The following SMARCC1 variants were observed in gnomAD, a reference collection of about 807,000 sequenced individuals.
The protein encoded by SMARCC1 is SWI/SNF related BAF chromatin remodeling complex subunit C1.
SMARCC1 carries 43 observed loss-of-function variants against 147.4 expected under a neutral mutation model. The ratio of observed to expected loss-of-function variants is 0.29; its 90% CI spans 0.23 to 0.38. The LOEUF is 0.38. SMARCC1 is among the 10% of genes least tolerant of loss of function. The pLI, the probability that SMARCC1 is intolerant of heterozygous loss-of-function variation, is 1.00. For synonymous variants in SMARCC1, 495 were observed against 484.4 expected (o/e 1.02, Z -0.29); for missense variants, 1,119 against 1,381.1 (o/e 0.81, Z 3.01).
At chr3:47,697,711 T>TA (rs1167499763) in intron 11 of SMARCC1, among the ~76,000 whole-genome samples, 1 of 150,872 alleles carries the variant, frequency 6.6e-6, no homozygotes, top group Admixed American at 6.6e-5. Flanking sequence ...AACAGAAAGT[T>TA]AAAGATCAAT....
At chr3:47,592,011 G>A (rs1354679221) in intron 26 of SMARCC1, among the ~76,000 whole-genome samples, 1 of 152,186 alleles carries the variant, frequency 6.6e-6, no homozygotes, top group African/African-American at 2.4e-5. Context: ...ACAACTGTAT[G>A]AAACTGAATA....
chr3:47,695,198 T>C (rs2033834050), intron 11 of SMARCC1, among the ~76,000 whole-genome samples: 1 of 152,188 alleles, frequency 6.6e-6, no homozygotes, highest in African/African-American at 2.4e-5. Context: ...CTGGGTGTAG[T>C]GGCTCATGCC....
chr3:47,721,982 CTT>C (rs1351268638), intron 6 of SMARCC1, among the ~76,000 whole-genome samples: 4 of 152,178 alleles, frequency 2.6e-5, no homozygotes, highest in Non-Finnish European at 5.9e-5. Context: ...TAAGTACACT[CTT>C]GCACTTCAGG....
At chr3:47,719,964 T>C (rs2034208858) in intron 7 of SMARCC1, among the ~76,000 whole-genome samples, 2 of 152,042 alleles carry the variant, frequency 1.3e-5, no homozygotes, top group South Asian at 2.1e-4. Flanking sequence ...CTTGAACTCC[T>C]GACCTCATGT....
At chr3:47,590,988 A>G (rs2108223421) in intron 26 of SMARCC1, 151 bp from the exon 27 acceptor site, 1 of 719,602 alleles carries the variant, frequency 1.4e-6, no homozygotes, top group South Asian at 2.0e-5. Flanking sequence ...CTCTATGTTT[A>G]GCTTTTTGTA....
intron 7 of SMARCC1, among the ~76,000 whole-genome samples, chr3:47,717,860 C>T (rs2034176590): frequency 6.6e-6 from 1 of 151,970 alleles, no homozygotes; most frequent in Non-Finnish European, 1.5e-5. Flanking sequence ...AGCCATCATG[C>T]CCAGCCATGA....
chr3:47,637,786 T>A (rs988588515), intron 22 of SMARCC1, among the ~76,000 whole-genome samples: 7 of 151,970 alleles, frequency 4.6e-5, no homozygotes, highest in African/African-American at 1.7e-4. Context: ...CATCATGCAT[T>A]TACAGTCTCC....
chr3:47,693,261 C>G lies in SMARCC1; in HGVS notation c.1205G>C (p.Gly402Ala). The part of the protein sequence containing the change: ...KKDSENTPVK[G>A]GTVADLDEQD... ...CTTACCTAGATCCGCTACAGTTCCT[C>G]CTTTAACAGGTGTATTTTCACTATC... Residue 402 changes from glycine to alanine, a missense_variant, in exon 12 of 28, where the codon GGA becomes GCA. Physicochemically the swap from Gly to Ala is moderately conservative, Grantham distance 60. Coordinates refer to ENST00000254480, the MANE Select transcript of SMARCC1 (RefSeq NM_003074.4). 2 of 1,591,604 alleles carry G rather than the reference C, an allele frequency of 1.3e-6. No individual in the cohort carries two copies. Among genetic ancestry groups the G allele is most frequent in the African/African-American group, 2.7e-5 (2 of 74,562 alleles).
chr3:47,675,568 C>T lies in SMARCC1; in HGVS notation c.1746G>A (p.Met582Ile), dbSNP rs140759311. The change falls in exon 18 of 28, where the codon ATG becomes ATA. Residue 582 changes from methionine to isoleucine, a missense_variant. Transcript: ENST00000254480. ...RSPQVPAAQQ[M>I]LNFPEKNKEK... ...CCTTGTTTTTCTCAGGAAAATTTAG[C>T]ATCTGTTGAGCAGCAGGAACCTGAG... is the stretch of plus-strand genomic sequence containing the variant. The T allele has an allele frequency of 9.5e-4, 1,522 of 1,606,654 alleles. No homozygotes were observed. Among genetic ancestry groups the T allele is most frequent in the Non-Finnish European group, 1.2e-3 (1,439 of 1,173,372 alleles).
chr3:47,749,607 C>A (rs2034603326), intron 2 of SMARCC1, among the ~76,000 whole-genome samples: 1 of 121,208 alleles, frequency 8.3e-6, no homozygotes. Context: ...GTTGAGGCTA[C>A]AGTGAGCTGT....
At chr3:47,695,695 G>A (rs577023666) in intron 11 of SMARCC1, among the ~76,000 whole-genome samples, 49 of 149,974 alleles carry the variant, frequency 3.3e-4, no homozygotes, top group East Asian at 1.8e-3. Context: ...CGAACCCGGC[G>A]GAGGTTGCAG....
intron 18 of SMARCC1, among the ~76,000 whole-genome samples, chr3:47,672,956 T>TC (rs1159462888): frequency 6.6e-6 from 1 of 152,084 alleles, no homozygotes; most frequent in Non-Finnish European, 1.5e-5. Flanking sequence ...TTTCAGTATT[T>TC]TTTTTTTTAG....
intron 21 of SMARCC1, among the ~76,000 whole-genome samples, chr3:47,650,727 A>G (rs1225315063): frequency 6.6e-6 from 1 of 152,068 alleles, no homozygotes; most frequent in Non-Finnish European, 1.5e-5. Context: ...AAGTGGGAGG[A>G]TCACTTGAGC....
intron 2 of SMARCC1, among the ~76,000 whole-genome samples, chr3:47,769,320 G>A (rs1288892934): frequency 6.8e-6 from 1 of 147,570 alleles, no homozygotes; most frequent in East Asian, 2.1e-4. Flanking sequence ...TTCAAGACCA[G>A]CCTGGCCAAG....
At chr3:47,704,067 G>A (rs1366738012) in intron 10 of SMARCC1, among the ~76,000 whole-genome samples, 1 of 152,122 alleles carries the variant, frequency 6.6e-6, no homozygotes, top group Non-Finnish European at 1.5e-5. Flanking sequence ...CAAAGTGCTG[G>A]GATTACAGGC....
At chr3:47,636,226 C>T (rs915734861) in intron 22 of SMARCC1, 90 bp from the exon 23 acceptor site, 3 of 691,376 alleles carry the variant, frequency 4.3e-6, no homozygotes, top group African/African-American at 3.6e-5. Flanking sequence ...GCAAAAGGTT[C>T]CAATATTTTT....
In SMARCC1 at chr3:47,660,444, TAA is replaced by T. The variant is rs71070206; in HGVS notation, c.2320+848_2320+849del. The stretch of plus-strand genomic sequence containing the variant: ...CTGGGCGACAGAGCAAGACTCTGTC[TAA>T]AAAAAAAAAAAAAAAAAAAAAAAGT... On this transcript the variant is annotated intron_variant, in intron 21 of 27. Coordinates refer to ENST00000254480, the MANE Select transcript of SMARCC1 (RefSeq NM_003074.4). Among the ~76,000 whole-genome samples, 207 of 67,328 alleles carry T rather than the reference TAA, an allele frequency of 3.1e-3. 2 individuals carry two copies. Among genetic ancestry groups the T allele is most frequent in the Admixed American group, 8.5e-3 (49 of 5,740 alleles). 44.2% of individuals were successfully genotyped at this position (67,328 alleles called of 152,430 possible). A position where few individuals can be genotyped will look rare whatever the true frequency, so the allele number is the denominator to read the frequency against.
In SMARCC1 at chr3:47,678,281, G is replaced by A. The variant is rs375726986; in HGVS notation, c.1488C>T (p.Asp496=). The change falls in exon 16 of 28, where the codon GAC becomes GAT. Residue 496 remains aspartate (D), a synonymous_variant. Coordinates refer to ENST00000254480, the MANE Select transcript of SMARCC1 (RefSeq NM_003074.4). The part of the protein sequence containing the change: ...IYLAYRNFMI[D]TYRLNPQEYL... ...ACTCTTGGGGGTTTAGACGATACGT[G>A]TCAATCATAAAATTTCGATATGCCA... 6.3e-6 allele frequency: 10 copies of A among 1,595,794 alleles called. No individual in the cohort carries two copies. Among genetic ancestry groups the A allele is most frequent in the Admixed American group, 1.8e-5 (1 of 56,836 alleles).
intron 20 of SMARCC1, 101 bp from the exon 21 acceptor site, chr3:47,661,556 AG>A: frequency 1.1e-6 from 1 of 892,092 alleles, no homozygotes; most frequent in Non-Finnish European, 1.7e-6. Context: ...TTATTGTCTT[AG>A]GTGTAGCAAC....
Sources: gnomAD v4.1 joint callset for allele counts (sites outside exome capture counted in the v4.1 genomes callset) on GRCh38, gnomAD v4.1.1 for gene constraint, MANE v1.5 for transcripts, NCBI Gene and HGNC (gene_info 2026-07-23, HGNC 2026-07-21) for gene names.